Variants in BLVRA observed in about 807,000 individuals in gnomAD.
BLVRA encodes the protein BVR A.
BLVRA carries 22 observed loss-of-function variants against 32.8 expected under a neutral mutation model. The ratio of observed to expected loss-of-function variants is 0.67; its 90% CI spans 0.48 to 0.96. The LOEUF is 0.96. Among genes scored for constraint, BLVRA ranks in the 40% least tolerant of loss-of-function variants. The pLI is 0.00. For missense variants in BLVRA, 323 were observed against 358.1 expected (o/e 0.90, Z 0.79); for synonymous variants, 119 against 141.3 (o/e 0.84, Z 1.12).
chr7:43,788,426 A>T (rs1016309680), intron 3 of BLVRA, among the ~76,000 whole-genome samples: 1 of 152,194 alleles, frequency 6.6e-6, no homozygotes, highest in Non-Finnish European at 1.5e-5. Context: ...CCTTCTGCGT[A>T]GTGTTATTAA....
intron 5 of BLVRA, among the ~76,000 whole-genome samples, chr7:43,796,536 A>T (rs1312646572): frequency 1.3e-5 from 2 of 152,222 alleles, no homozygotes; most frequent in African/African-American, 4.8e-5. Context: ...CACTTACCTT[A>T]CACCATATAA....
At position 43,775,511 on chromosome 7, in the gene BLVRA, G is replaced by C. The variant is rs369558572; in HGVS notation, c.12+4341G>C. 2.6e-5 allele frequency among the ~76,000 whole-genome samples: 4 copies of C among 152,190 alleles called. No homozygotes were observed. The South Asian group carries it at 6.2e-4, about 24-fold the overall frequency. ...AAGCCCACTTGATCATGGTGGATAA[G>C]CTTTTTGATGTGCTGCTGGATTTGG... On this transcript the variant is annotated intron_variant, in intron 2 of 7. Transcript: ENST00000265523.
At chr7:43,803,352 TAG>T (rs2095800782) in intron 6 of BLVRA, among the ~76,000 whole-genome samples, 2 of 152,116 alleles carry the variant, frequency 1.3e-5, no homozygotes, top group African/African-American at 4.8e-5. Flanking sequence ...TATGTGTACA[TAG>T]ATGTATATAT....
rs189952394 is a variant in BLVRA at position 43,795,605 on chromosome 7, A to G, written c.352+2793A>G. ...GTTGTAAATGCTTACATTAAACAAG[A>G]AGAAAGATCTCAATTCAACATCCTA... On this transcript the variant is annotated intron_variant, in intron 5 of 7. Transcript: ENST00000265523. Among the ~76,000 whole-genome samples, 4 of 152,354 alleles carry G rather than the reference A, an allele frequency of 2.6e-5. No individual in the cohort carries two copies. In the East Asian group the frequency reaches 7.7e-4, roughly 29 times the overall value.
intron 5 of BLVRA, among the ~76,000 whole-genome samples, chr7:43,797,052 A>G (rs1169917273): frequency 6.6e-6 from 1 of 152,126 alleles, no homozygotes; most frequent in Non-Finnish European, 1.5e-5. Flanking sequence ...TGGAAGCAAG[A>G]CCTTCCTTCA....
At chr7:43,780,158 C>T (rs1049078918) in intron 2 of BLVRA, among the ~76,000 whole-genome samples, 1 of 152,156 alleles carries the variant, frequency 6.6e-6, no homozygotes, top group Non-Finnish European at 1.5e-5. Flanking sequence ...AGGCATGAGC[C>T]ACCATGCCTG....
chr7:43,776,862 C>A (rs1297294285), intron 2 of BLVRA, among the ~76,000 whole-genome samples: 1 of 152,152 alleles, frequency 6.6e-6, no homozygotes, highest in Non-Finnish European at 1.5e-5. Flanking sequence ...ATAGTTAGCT[C>A]TTCTTGTTGA....
intron 5 of BLVRA, 35 bp from the exon 6 acceptor site, chr7:43,800,430 C>A: frequency 1.3e-6 from 2 of 1,588,776 alleles, no homozygotes; most frequent in Non-Finnish European, 1.7e-6. Flanking sequence ...ACACAACTGA[C>A]GACTGCCCTT....
In BLVRA at chr7:43,800,448, C is replaced by A. The variant is rs926500984; in HGVS notation, c.353-17C>A. 1.2e-6 allele frequency: 2 copies of A among 1,612,078 alleles called. No homozygotes were observed. Among genetic ancestry groups the A allele is most frequent in the Non-Finnish European group, 1.7e-6 (2 of 1,178,230 alleles). On this transcript the variant is annotated splice_polypyrimidine_tract_variant and intron_variant, in intron 5 of 7. Transcript: ENST00000265523. ...CAACTGACGACTGCCCTTTTTATTC[C>A]ATTTTTGTCGTTACAGGAAAAGTCT...
At chr7:43,801,524 C>T (rs1023018237) in intron 6 of BLVRA, among the ~76,000 whole-genome samples, 3 of 152,124 alleles carry the variant, frequency 2.0e-5, no homozygotes, top group Non-Finnish European at 4.4e-5. Flanking sequence ...CACGGTAAAG[C>T]CACTGATACA....
Position 43,784,953 on chromosome 7 carries a change from A to G in BLVRA, c.13-2951A>G, listed in dbSNP as rs1245271841. Among the ~76,000 whole-genome samples, 10 of 152,226 alleles carry G rather than the reference A, an allele frequency of 6.6e-5. No individual in the cohort carries two copies. The South Asian group carries it at 1.7e-3, about 25-fold the overall frequency. ...CTGTGTGTCAGTTTTGCAAGGCAGT[A>G]ATATCGAAACCAAATCCTAAAGCAG... On this transcript the variant is annotated intron_variant, in intron 2 of 7. Coordinates refer to ENST00000265523, the MANE Select transcript of BLVRA (RefSeq NM_000712.4).
At chr7:43,774,569 G>T (rs1005283195) in intron 2 of BLVRA, among the ~76,000 whole-genome samples, 2 of 152,244 alleles carry the variant, frequency 1.3e-5, no homozygotes, top group African/African-American at 4.8e-5. Flanking sequence ...AAGTCAGGTA[G>T]TGTGATGCCT....
intron 2 of BLVRA, among the ~76,000 whole-genome samples, chr7:43,775,521 G>A (rs2095759722): frequency 6.6e-6 from 1 of 151,798 alleles, no homozygotes; most frequent in African/African-American, 2.4e-5. Flanking sequence ...GCTTTTTGAT[G>A]TGCTGCTGGA....
rs2095797524 is a variant in BLVRA, at chr7:43,800,536, G to A, written c.424G>A (p.Gly142Arg). The change falls in exon 6 of 8, where the codon GGG (glycine) becomes AGG (arginine). Residue 142 changes from glycine to arginine, a missense_variant. Transcript: ENST00000265523. Reference sequence around the variant, plus strand: ...CGCTTTCCTGAAAAAAGAAGTGGTGGGGAAAGACCTGCTGAAAGGGTCGCT... The same window carrying A: ...CGCTTTCCTGAAAAAAGAAGTGGTGAGGAAAGACCTGCTGAAAGGGTCGCT... ...EFAFLKKEVV[G>R]KDLLKGSLLF... is the part of the protein sequence containing the mutation. 6.2e-7 allele frequency: 1 copy of A among 1,613,944 alleles called. No homozygotes were observed.
At chr7:43,791,579 A>C in intron 4 of BLVRA, 1 of 564,080 alleles carries the variant, frequency 1.8e-6, no homozygotes, top group Non-Finnish European at 3.2e-6. Flanking sequence ...TAAAATTAAT[A>C]TTTAGTATGT....
chr7:43,797,568 G>GC (rs2095794194), intron 5 of BLVRA, among the ~76,000 whole-genome samples: 2 of 152,174 alleles, frequency 1.3e-5, no homozygotes, highest in African/African-American at 4.8e-5. Flanking sequence ...AATGAAACCT[G>GC]CAGGATCTCT....
intron 7 of BLVRA, among the ~76,000 whole-genome samples, chr7:43,806,298 G>A (rs1317165731): frequency 6.6e-6 from 1 of 151,790 alleles, no homozygotes; most frequent in Non-Finnish European, 1.5e-5. Flanking sequence ...GGCAACAAGA[G>A]CAAACATCTC....
At chr7:43,794,000 T>C (rs1022960137) in intron 5 of BLVRA, among the ~76,000 whole-genome samples, 5 of 150,914 alleles carry the variant, frequency 3.3e-5, no homozygotes, top group African/African-American at 1.2e-4. Context: ...CCCAGCACTT[T>C]AGGAGGCTCT....
In BLVRA at chr7:43,795,393, A is replaced by G. The variant is rs141447940; in HGVS notation, c.352+2581A>G. ...TAGCCAGGTGTGGTGGCGCGCACAT[A>G]TAGTCCCAGCTACTGGGGAGGCTGA... On this transcript the variant is annotated intron_variant, in intron 5 of 7. Transcript: ENST00000265523. 5.7e-3 allele frequency among the ~76,000 whole-genome samples: 866 copies of G among 151,836 alleles called. 10 individuals are homozygous for G. Among genetic ancestry groups the G allele is most frequent in the African/African-American group, 0.02 (837 of 41,394 alleles).
Sources: allele counts gnomAD v4.1 joint callset (sites outside exome capture counted in the v4.1 genomes callset), GRCh38; gene constraint gnomAD v4.1.1; transcripts MANE v1.5; gene names NCBI Gene and HGNC (gene_info 2026-07-23, HGNC 2026-07-21).